Variants in CREB1 observed in about 807,000 individuals in gnomAD.
CREB1 encodes the protein cAMP responsive element binding protein 1.
A neutral mutation model predicts 42.0 loss-of-function variants in CREB1; 2 were observed. That is an observed-to-expected ratio of 0.05 (90% CI 0.02 to 0.15). The LOEUF (loss-of-function observed/expected upper bound fraction) is 0.15, where lower values mean the gene tolerates loss of function less well. CREB1 is among the 10% of genes least tolerant of loss of function. CREB1 has a pLI of 1.00. For missense variants in CREB1, 199 were observed against 388.9 expected (o/e 0.51, Z 4.11); for synonymous variants, 123 against 139.9 (o/e 0.88, Z 0.85).
In CREB1 at chr2:207,597,709, T is replaced by C. The variant is rs2086398383; in HGVS notation, c.*651T>C. 1 of 206,262 alleles carries C rather than the reference T, an allele frequency of 4.8e-6. No homozygotes were observed. Among genetic ancestry groups the C allele is most frequent in the East Asian group, 7.4e-5 (1 of 13,446 alleles). 12.8% of individuals were successfully genotyped at this position (206,262 alleles called of 1,614,324 possible). A position where few individuals can be genotyped will look rare whatever the true frequency, so the allele number is the denominator to read the frequency against. ...AAAGCATTCTGTACTAATACAGCTC[T>C]TCCATAGGGCAGTTGTTGCTTCTTA... On this transcript the variant is annotated 3_prime_UTR_variant, in exon 8 of 8. Coordinates refer to ENST00000353267, the MANE Select transcript of CREB1 (RefSeq NM_004379.5).
chr2:207,573,394 G>C (rs928589132), intron 5 of CREB1, among the ~76,000 whole-genome samples: 1 of 152,180 alleles, frequency 6.6e-6, no homozygotes, highest in Non-Finnish European at 1.5e-5. Context: ...TTAGTGGCTA[G>C]AACCCAGATG....
At chr2:207,577,406 C>A in intron 6 of CREB1, 99 bp from the exon 7 acceptor site, 1 of 1,453,350 alleles carries the variant, frequency 6.9e-7, no homozygotes, top group South Asian at 1.4e-5. Flanking sequence ...TTTTGTTTCC[C>A]TTTTAGTCCA....
Position 207,573,280 on chromosome 2 carries a change from A to G in CREB1, c.506-1992A>G, listed in dbSNP as rs548572989. Among the ~76,000 whole-genome samples, 8 of 152,370 alleles carry G rather than the reference A, an allele frequency of 5.3e-5. No individual in the cohort carries two copies. The South Asian group carries it at 1.7e-3, about 32-fold the overall frequency. ...AAATCTTTTTGGAATAATAAAGTGT[A>G]TACATAAACATTATAGAGAAAAACT... On this transcript the variant is annotated intron_variant, in intron 5 of 7. Transcript: ENST00000353267.
At chr2:207,584,598 C>T (rs547383932) in intron 7 of CREB1, among the ~76,000 whole-genome samples, 2 of 152,234 alleles carry the variant, frequency 1.3e-5, no homozygotes, top group African/African-American at 4.8e-5. Context: ...GACAGGGTTT[C>T]GCCATGTTGG....
At chr2:207,590,066 G>A in intron 7 of CREB1, among the ~76,000 whole-genome samples, 1 of 110,950 alleles carries the variant, frequency 9.0e-6, no homozygotes, top group East Asian at 3.4e-4. Context: ...TAGGCCTGGA[G>A]TTTTCTATTT....
intron 1 of CREB1, among the ~76,000 whole-genome samples, chr2:207,541,158 G>A (rs1309585860): frequency 6.6e-6 from 1 of 152,058 alleles, no homozygotes; most frequent in East Asian, 1.9e-4. Context: ...GGTGGAGCAT[G>A]CAGTGAGCCG....
In CREB1 at chr2:207,600,535, G is replaced by C; in HGVS notation, c.*3477G>C. ...CCTCTCCCCCAAAAGTATTTGGTTT[G>C]TATGCTTTGTCTGTGGCAGCTATAA... On this transcript the variant is annotated 3_prime_UTR_variant, in exon 8 of 8. Coordinates refer to ENST00000353267, the MANE Select transcript of CREB1 (RefSeq NM_004379.5). The C allele has an allele frequency of 4.8e-6, 1 of 209,082 alleles. No homozygotes were observed. Among genetic ancestry groups the C allele is most frequent in the Non-Finnish European group, 9.7e-6 (1 of 102,674 alleles). 13.0% of individuals were successfully genotyped at this position (209,082 alleles called of 1,614,324 possible). A position where few individuals can be genotyped will look rare whatever the true frequency, so the allele number is the denominator to read the frequency against.
At chr2:207,595,219 C>T (rs1350017945) in intron 7 of CREB1, among the ~76,000 whole-genome samples, 1 of 151,784 alleles carries the variant, frequency 6.6e-6, no homozygotes, top group Non-Finnish European at 1.5e-5. Context: ...TGGTCTTGAA[C>T]TCCTGACCTC....
chr2:207,580,677 G>T (rs1048687372), intron 7 of CREB1: 7 of 221,036 alleles, frequency 3.2e-5, no homozygotes, highest in Non-Finnish European at 4.5e-5. Flanking sequence ...AAGGTAAGTG[G>T]TAAACATTCT....
chr2:207,576,932 T>A lies in CREB1; in HGVS notation c.689-573T>A, dbSNP rs80258616. The A allele has an allele frequency of 2.4e-4, 209 of 876,202 alleles. 2 individuals carry two copies. In the African/African-American group the frequency reaches 3.7e-3, roughly 15 times the overall value. The allele number at this position is 876,202 out of a possible 1,614,324, so 54.3% of individuals were successfully genotyped here. ...AAAACTTCAGTTTATTTAGCCATTA[T>A]CATTTACATTAAAACAATATGTTTT... On this transcript the variant is annotated intron_variant, in intron 6 of 7. Transcript: ENST00000353267.
chr2:207,601,672 A>T lies in CREB1; in HGVS notation c.*4614A>T, dbSNP rs796186053. The T allele has an allele frequency of 9.4e-6, 2 of 213,662 alleles. No homozygotes were observed. Among genetic ancestry groups the T allele is most frequent in the South Asian group, 1.9e-4 (1 of 5,360 alleles). The allele number at this position is 213,662 out of a possible 1,614,324, so 13.2% of individuals were successfully genotyped here. On this transcript the variant is annotated 3_prime_UTR_variant, in exon 8 of 8. Transcript: ENST00000353267. ...AAGACTTTTTAAAGCAATTGTCCTC[A>T]CAGAGACCACATGTAATATACTGAA...
chr2:207,548,754 T>A (rs886409017), intron 1 of CREB1, among the ~76,000 whole-genome samples: 3 of 151,926 alleles, frequency 2.0e-5, no homozygotes, highest in Non-Finnish European at 4.4e-5. Context: ...TGTCCCCGCC[T>A]GCCTCCCCCG....
Position 207,595,849 on chromosome 2 carries a change from G to A in CREB1, c.840-1065G>A, listed in dbSNP as rs577889578. ...CTCCCAAAGTGCTGGGATTATAGGC[G>A]TGAGCCATACACCTTGCCTATTCTA... On this transcript the variant is annotated intron_variant, in intron 7 of 7. Transcript: ENST00000353267. 1.1e-3 allele frequency among the ~76,000 whole-genome samples: 165 copies of A among 152,270 alleles called. 1 individual carries two copies. The South Asian group carries it at 0.011, about 10-fold the overall frequency.
intron 1 of CREB1, among the ~76,000 whole-genome samples, chr2:207,535,440 C>A (rs1274271519): frequency 6.6e-6 from 1 of 151,894 alleles, no homozygotes; most frequent in East Asian, 1.9e-4. Context: ...TTTTTTTTAA[C>A]AGACAGCTCA....
intron 3 of CREB1, chr2:207,561,121 T>C (rs770955546): frequency 1.2e-6 from 2 of 1,613,330 alleles, no homozygotes; most frequent in African/African-American, 2.7e-5. Flanking sequence ...CTTCACAGTC[T>C]TCCTGTAAGG....
chr2:207,535,656 A>AT (rs994553294), intron 1 of CREB1, among the ~76,000 whole-genome samples: 3 of 152,052 alleles, frequency 2.0e-5, no homozygotes, highest in South Asian at 2.1e-4. Context: ...TGCATAGATG[A>AT]TTTTTTTACC....
chr2:207,596,125 ATTTTGAG>A (rs1164989072), intron 7 of CREB1, among the ~76,000 whole-genome samples: 1 of 152,152 alleles, frequency 6.6e-6, no homozygotes, highest in African/African-American at 2.4e-5. Flanking sequence ...TCTTTGATCT[ATTTTGAG>A]TTAATATTTG....
chr2:207,574,543 G>A (rs983182398), intron 5 of CREB1, among the ~76,000 whole-genome samples: 1 of 152,196 alleles, frequency 6.6e-6, no homozygotes, highest in Non-Finnish European at 1.5e-5. Context: ...ACAAATGAAT[G>A]ACAGGTGTGG....
At chr2:207,575,081 C>G (rs973317761) in intron 5 of CREB1, among the ~76,000 whole-genome samples, 191 bp from the exon 6 acceptor site, 1 of 152,106 alleles carries the variant, frequency 6.6e-6, no homozygotes, top group Non-Finnish European at 1.5e-5. Flanking sequence ...TCATAGAGTG[C>G]ATTTCTATTG....
Sources: gnomAD v4.1 joint callset for allele counts (sites outside exome capture counted in the v4.1 genomes callset) on GRCh38, gnomAD v4.1.1 for gene constraint, MANE v1.5 for transcripts, NCBI Gene and HGNC (gene_info 2026-07-23, HGNC 2026-07-21) for gene names.